TENM2: variants seen among roughly 807,000 people sequenced by gnomAD.
TENM2 encodes teneurin transmembrane protein 2.
In TENM2, 52 loss-of-function variants were observed where a neutral mutation model predicts 245.2. The ratio of observed to expected loss-of-function variants is 0.21; its 90% CI spans 0.17 to 0.27. TENM2 has a LOEUF of 0.27. Among genes scored for constraint, TENM2 ranks in the 10% least tolerant of loss-of-function variants. TENM2 has a pLI of 1.00. For missense variants in TENM2, 3,046 were observed against 3,666.8 expected (o/e 0.83, Z 4.37); for synonymous variants, 1,363 against 1,438.9 (o/e 0.95, Z 1.19).
chr5:167,297,335 G>T (rs1426044149), intron 1 of TENM2: 1 of 152,202 alleles, frequency 6.6e-6, no homozygotes, highest in African/African-American at 2.4e-5. Flanking sequence ...GGCATTGCAA[G>T]CCCTTGGTGC....
the TENM2 span, among the ~76,000 whole-genome samples, chr5:167,135,963 G>T: frequency 1.3e-5 from 2 of 152,104 alleles, no homozygotes; most frequent in African/African-American, 4.8e-5. Flanking sequence ...AGGATTCACC[G>T]TTTTTAATGG....
intron 2 of TENM2, among the ~76,000 whole-genome samples, chr5:167,451,419 A>G (rs1765575724): frequency 6.6e-6 from 1 of 152,226 alleles, no homozygotes; most frequent in African/African-American, 2.4e-5. Context: ...CTCTGCTTTC[A>G]GAATGTTCTT....
chr5:167,314,314 G>A (rs1756221858), intron 1 of TENM2, among the ~76,000 whole-genome samples: 1 of 152,070 alleles, frequency 6.6e-6, no homozygotes, highest in Non-Finnish European at 1.5e-5. Context: ...TCTGCTTGAA[G>A]CCTGAATTTC....
At chr5:168,013,595 C>T (rs1327600813) in intron 5 of TENM2, among the ~76,000 whole-genome samples, 2 of 136,386 alleles carry the variant, frequency 1.5e-5, no homozygotes, top group African/African-American at 5.8e-5. Flanking sequence ...CAAAGCAAGA[C>T]TCTGTCTCAA....
chr5:167,826,016 C>T (rs1450907173), intron 2 of TENM2, among the ~76,000 whole-genome samples: 3 of 152,030 alleles, frequency 2.0e-5, no homozygotes, highest in Non-Finnish European at 2.9e-5. Context: ...CCCAACACGT[C>T]GTGTACCTGT....
chr5:168,170,512 G>C (rs985063977), intron 13 of TENM2, among the ~76,000 whole-genome samples: 4 of 150,492 alleles, frequency 2.7e-5, no homozygotes, highest in African/African-American at 7.3e-5. Context: ...ATCTCAAAAA[G>C]AGAGAGAGAG....
At chr5:167,493,025 T>A (rs571534788) in intron 2 of TENM2, among the ~76,000 whole-genome samples, 15 of 152,062 alleles carry the variant, frequency 9.9e-5, no homozygotes, top group Admixed American at 9.8e-4. Flanking sequence ...TTAGGTAAGG[T>A]AATTGTTAGG....
At chr5:166,988,011 T>C in the TENM2 span, among the ~76,000 whole-genome samples, 3 of 152,174 alleles carry the variant, frequency 2.0e-5, no homozygotes, top group African/African-American at 7.2e-5. Context: ...TTATCAATCA[T>C]TTGTGGGAAG....
the TENM2 span, among the ~76,000 whole-genome samples, chr5:167,195,332 G>T: frequency 1.6e-3 from 243 of 152,132 alleles, 1 homozygote; most frequent in Non-Finnish European, 3.0e-3. Context: ...ACCTACAAGA[G>T]ACCTAAGGGA....
chr5:167,008,760 G>A, the TENM2 span, among the ~76,000 whole-genome samples: 161 of 152,198 alleles, frequency 1.1e-3, no homozygotes, highest in Middle Eastern at 6.8e-3. Flanking sequence ...AAACATCCAC[G>A]GTTTGGGAAC....
At chr5:167,840,902 T>C (rs1178449594) in intron 2 of TENM2, among the ~76,000 whole-genome samples, 1 of 152,100 alleles carries the variant, frequency 6.6e-6, no homozygotes, top group African/African-American at 2.4e-5. Flanking sequence ...GTTTGTGGGG[T>C]AATTGTGCCA....
chr5:167,435,585 A>G (rs999763309), intron 2 of TENM2, among the ~76,000 whole-genome samples: 1 of 152,212 alleles, frequency 6.6e-6, no homozygotes, highest in Admixed American at 6.5e-5. Flanking sequence ...GAACTAATAC[A>G]GAAAATTGGT....
chr5:167,729,425 T>C (rs777229556), intron 2 of TENM2, among the ~76,000 whole-genome samples: 9 of 152,224 alleles, frequency 5.9e-5, no homozygotes, highest in Non-Finnish European at 1.3e-4. Context: ...TATAAAATTA[T>C]GTAAATGTGC....
At chr5:167,400,485 T>C (rs1158822) in intron 2 of TENM2, among the ~76,000 whole-genome samples, 84,805 of 151,906 alleles carry the variant, frequency 0.56, 24,212 homozygotes, top group African/African-American at 0.68. Flanking sequence ...ATATGAAGTA[T>C]ATATTTTCTT....
chr5:167,080,808 A>G, the TENM2 span, among the ~76,000 whole-genome samples: 3 of 152,218 alleles, frequency 2.0e-5, no homozygotes, highest in South Asian at 6.2e-4. Flanking sequence ...ACCTTTCCAT[A>G]TTGTTTTTAA....
chr5:167,641,489 T>C lies in TENM2; in HGVS notation c.503-234497T>C, dbSNP rs570714331. On this transcript the variant is annotated intron_variant, in intron 2 of 28. Transcript: ENST00000518659. Reference sequence around the variant, plus strand: ...CAGCAAAAACCACATTTGGTTTTTGTGAAAAGATGGTCACTGGTGTTTTCT... The same window carrying C: ...CAGCAAAAACCACATTTGGTTTTTGCGAAAAGATGGTCACTGGTGTTTTCT... Among the ~76,000 whole-genome samples the C allele has an allele frequency of 1.3e-4, 20 of 152,256 alleles. 1 individual carries two copies. The highest frequency in any genetic ancestry group is 1.3e-3 in the Admixed American group (20 of 15,304).
At chr5:167,017,878 G>A in the TENM2 span, among the ~76,000 whole-genome samples, 2 of 152,026 alleles carry the variant, frequency 1.3e-5, no homozygotes, top group African/African-American at 4.8e-5. Flanking sequence ...CCGTTGTCAC[G>A]GACATGCTGA....
chr5:168,239,341 A>G (rs531275966), intron 25 of TENM2, among the ~76,000 whole-genome samples: 11 of 152,254 alleles, frequency 7.2e-5, no homozygotes, highest in African/African-American at 2.6e-4. Flanking sequence ...TTCAAAGTTA[A>G]CTCAAACCTG....
rs775931513 is a variant in TENM2 at position 167,327,419 on chromosome 5, T to C, written c.226+42356T>C. On this transcript the variant is annotated intron_variant, in intron 1 of 28. Coordinates refer to ENST00000518659, the Ensembl canonical transcript of TENM2. ...TGCTCTTAATGAGTTTGTAGTTCAATTGGGGAGGCAGGAATTAAATATGAA... is the reference window on the plus strand; with the variant it reads ...TGCTCTTAATGAGTTTGTAGTTCAACTGGGGAGGCAGGAATTAAATATGAA... Among the ~76,000 whole-genome samples the C allele has an allele frequency of 4.3e-4, 66 of 152,328 alleles. 1 individual carries two copies. Among genetic ancestry groups the C allele is most frequent in the Non-Finnish European group, 8.1e-4 (55 of 68,032 alleles).
Sources: gnomAD v4.1 joint callset for allele counts (sites outside exome capture counted in the v4.1 genomes callset) on GRCh38, gnomAD v4.1.1 for gene constraint, MANE v1.5 for transcripts, NCBI Gene and HGNC (gene_info 2026-07-23, HGNC 2026-07-21) for gene names.